The following ZYG11B variants were observed in gnomAD, a reference collection of about 807,000 sequenced individuals.
ZYG11B encodes protein zyg-11 homolog B.
In ZYG11B, 36 loss-of-function variants were observed where a neutral mutation model predicts 82.4. The observed-to-expected ratio is 0.44, with a 90% confidence interval of 0.33 to 0.58. ZYG11B has a LOEUF of 0.58. ZYG11B is among the 20% of genes least tolerant of loss of function. ZYG11B has a pLI of 0.02. For synonymous variants in ZYG11B, 303 were observed against 312.8 expected (o/e 0.97, Z 0.33); for missense variants, 552 against 895.6 (o/e 0.62, Z 4.90).
At position 52,781,090 on chromosome 1, in the gene ZYG11B, C is replaced by T. The variant is rs1018531476; in HGVS notation, c.1092+1097C>T. ...GGCCGAGTTTACAGTGAGCCGAGAT[C>T]GTGCCACTGCACTCCAGCATGAGCA... On this transcript the variant is annotated intron_variant, in intron 4 of 13. Coordinates refer to ENST00000294353, the MANE Select transcript of ZYG11B (RefSeq NM_024646.3). Among the ~76,000 whole-genome samples the T allele has an allele frequency of 2.6e-5, 4 of 152,204 alleles. No individual in the cohort carries two copies. In the East Asian group the frequency reaches 7.7e-4, roughly 29 times the overall value.
At position 52,822,505 on chromosome 1, in the gene ZYG11B, A is replaced by G. The variant is rs1250455333; in HGVS notation, c.*876A>G. The stretch of plus-strand genomic sequence containing the variant: ...AAATTATCGCCAGTTAAAACTGGCT[A>G]TTCTTTTCCTCTATTTCAAAGTCAT... On this transcript the variant is annotated 3_prime_UTR_variant, in exon 14 of 14. Transcript: ENST00000294353. The G allele has an allele frequency of 1.3e-5, 2 of 152,258 alleles. No homozygotes were observed. Among genetic ancestry groups the G allele is most frequent in the Admixed American group, 6.5e-5 (1 of 15,282 alleles). The allele number at this position is 152,258 out of a possible 1,614,324, so 9.4% of individuals were successfully genotyped here.
chr1:52,762,319 T>C (rs918229820), intron 2 of ZYG11B, among the ~76,000 whole-genome samples: 23 of 151,004 alleles, frequency 1.5e-4, no homozygotes, highest in African/African-American at 5.4e-4. Context: ...GCAATCCTCC[T>C]GCTTCAGCCT....
At chr1:52,738,250 G>T (rs79781432) in intron 1 of ZYG11B, among the ~76,000 whole-genome samples, 9,849 of 151,790 alleles carry the variant, frequency 0.065, 482 homozygotes, top group African/African-American at 0.13. Flanking sequence ...TCACTCTGTC[G>T]CCCAGGCTGG....
intron 6 of ZYG11B, among the ~76,000 whole-genome samples, chr1:52,792,220 T>TG (rs1453799523): frequency 6.6e-6 from 1 of 152,172 alleles, no homozygotes; most frequent in Non-Finnish European, 1.5e-5. Flanking sequence ...AGTGGATTGA[T>TG]TGATGGATGA....
chr1:52,789,967 T>C, intron 5 of ZYG11B, 36 bp from the exon 6 acceptor site: 1 of 1,495,440 alleles, frequency 6.7e-7, no homozygotes, highest in Non-Finnish European at 9.1e-7. Flanking sequence ...AAAGTGATAT[T>C]TTATTTAGGA....
intron 12 of ZYG11B, 120 bp downstream of exon 12, chr1:52,814,032 TTTA>T (rs770874121): frequency 5.4e-6 from 5 of 934,104 alleles, no homozygotes; most frequent in Non-Finnish European, 8.1e-6. Flanking sequence ...TATTTATTTA[TTTA>T]TTTTGAGACA....
Position 52,803,203 on chromosome 1 carries a change from T to C in ZYG11B, c.1695+1064T>C, listed in dbSNP as rs867244449. Among the ~76,000 whole-genome samples the C allele has an allele frequency of 3.5e-3, 288 of 83,340 alleles. 33 individuals are homozygous for C. The highest frequency in any genetic ancestry group is 8.2e-3 in the Admixed American group (57 of 6,952). 54.7% of individuals were successfully genotyped at this position (83,340 alleles called of 152,430 possible). A position where few individuals can be genotyped will look rare whatever the true frequency, so the allele number is the denominator to read the frequency against. ...ATATATATATACACATATATATATA[T>C]ACACACACATATATATATATACACA... On this transcript the variant is annotated intron_variant, in intron 10 of 13. Transcript: ENST00000294353.
chr1:52,785,920 T>G (rs909615047), intron 5 of ZYG11B, among the ~76,000 whole-genome samples: 3 of 152,132 alleles, frequency 2.0e-5, no homozygotes, highest in African/African-American at 7.2e-5. Flanking sequence ...TAGGCTTTGA[T>G]TTTCGTGGCC....
intron 10 of ZYG11B, among the ~76,000 whole-genome samples, chr1:52,808,135 G>T (rs1645156099): frequency 6.6e-6 from 1 of 152,130 alleles, no homozygotes; most frequent in Non-Finnish European, 1.5e-5. Context: ...GGCCAAGGCG[G>T]GTGGATCACC....
chr1:52,825,584 A>C lies in ZYG11B; in HGVS notation c.*3955A>C, dbSNP rs1023005463. The C allele has an allele frequency of 2.0e-5, 3 of 150,856 alleles. No individual in the cohort carries two copies. The highest frequency in any genetic ancestry group is 4.4e-5 in the Non-Finnish European group (3 of 67,834). 9.3% of individuals were successfully genotyped at this position (150,856 alleles called of 1,614,324 possible). A position where few individuals can be genotyped will look rare whatever the true frequency, so the allele number is the denominator to read the frequency against. On this transcript the variant is annotated 3_prime_UTR_variant, in exon 14 of 14. Coordinates refer to ENST00000294353, the MANE Select transcript of ZYG11B (RefSeq NM_024646.3). ...TCGGTTCTATATATCTAGCTTTAGG[A>C]AGTTGCCCTTACAGGTGGGACCTTT...
At chr1:52,752,867 G>T (rs12402415) in intron 1 of ZYG11B, among the ~76,000 whole-genome samples, 73,628 of 151,434 alleles carry the variant, frequency 0.49, 18,356 homozygotes, top group East Asian at 0.62. Flanking sequence ...TTGGGGTGGG[G>T]TACAGAGTCT....
At chr1:52,757,110 ACTC>A (rs1223198613) in intron 2 of ZYG11B, among the ~76,000 whole-genome samples, 2 of 142,704 alleles carry the variant, frequency 1.4e-5, no homozygotes, top group Non-Finnish European at 3.1e-5. Context: ...GTAGCACAAA[ACTC>A]CTGGGCTCAT....
chr1:52,797,284 A>G (rs1467441317), intron 8 of ZYG11B, among the ~76,000 whole-genome samples: 4 of 89,732 alleles, frequency 4.5e-5, no homozygotes, highest in African/African-American at 2.0e-4. Context: ...AAATATTTAT[A>G]TTATATATAA....
chr1:52,800,275 CAA>C (rs71579948), intron 8 of ZYG11B, among the ~76,000 whole-genome samples: 4 of 120,050 alleles, frequency 3.3e-5, no homozygotes, highest in East Asian at 2.9e-4. Flanking sequence ...GATTCCATGT[CAA>C]AAAAAAAAAA....
chr1:52,785,108 T>C, intron 5 of ZYG11B, 55 bp downstream of exon 5: 1 of 1,550,848 alleles, frequency 6.4e-7, no homozygotes, highest in Non-Finnish European at 8.7e-7. Flanking sequence ...TCTACTCATC[T>C]CCTACAGTTC....
intron 5 of ZYG11B, among the ~76,000 whole-genome samples, chr1:52,786,063 A>T (rs748074956): frequency 6.6e-6 from 1 of 152,228 alleles, no homozygotes; most frequent in Admixed American, 6.5e-5. Context: ...AGCCCAAAGA[A>T]AGTAGAAGGA....
Position 52,726,511 on chromosome 1 carries a change from C to CT in ZYG11B, c.-143_-142insT. ...GCTGCGGCTGCGGCTGCTACTGCTACGCTCCTAGCTTGAGGGAAAGAGGCC... is the reference window on the plus strand; with the variant it reads ...GCTGCGGCTGCGGCTGCTACTGCTACTGCTCCTAGCTTGAGGGAAAGAGGCC... On this transcript the variant is annotated 5_prime_UTR_variant, in exon 1 of 14. Coordinates refer to ENST00000294353, the MANE Select transcript of ZYG11B (RefSeq NM_024646.3). The CT allele has an allele frequency of 1.6e-5, 12 of 729,320 alleles. No homozygotes were observed. The highest frequency in any genetic ancestry group is 2.1e-5 in the Non-Finnish European group (11 of 522,316). 45.2% of individuals were successfully genotyped at this position (729,320 alleles called of 1,614,324 possible). A position where few individuals can be genotyped will look rare whatever the true frequency, so the allele number is the denominator to read the frequency against.
intron 1 of ZYG11B, among the ~76,000 whole-genome samples, chr1:52,735,045 T>A (rs1365741481): frequency 6.7e-6 from 1 of 149,074 alleles, no homozygotes; most frequent in Admixed American, 6.7e-5. Flanking sequence ...ACTTTTTTTT[T>A]TTTTGAGACG....
At chr1:52,744,064 G>A (rs960816519) in intron 1 of ZYG11B, among the ~76,000 whole-genome samples, 10 of 151,960 alleles carry the variant, frequency 6.6e-5, no homozygotes, top group Non-Finnish European at 1.3e-4. Context: ...AGCCTCCCCA[G>A]TAGCTAGGAC....
Sources: allele counts gnomAD v4.1 joint callset (sites outside exome capture counted in the v4.1 genomes callset), GRCh38; gene constraint gnomAD v4.1.1; transcripts MANE v1.5; gene names NCBI Gene and HGNC (gene_info 2026-07-23, HGNC 2026-07-21).